The following SAMD4A variants were observed in gnomAD, a reference collection of about 807,000 sequenced individuals.
The protein encoded by SAMD4A is protein Smaug homolog 1.
SAMD4A carries 33 observed loss-of-function variants against 81.3 expected under a neutral mutation model. That is an observed-to-expected ratio of 0.41 (90% CI 0.31 to 0.54). SAMD4A has a LOEUF of 0.54. SAMD4A is among the 20% of genes least tolerant of loss of function. The probability of loss-of-function intolerance (pLI) is 0.37; values close to 1 mark genes in which losing one functional copy is unlikely to be tolerated. For missense variants in SAMD4A, 854 were observed against 951.1 expected (o/e 0.90, Z 1.34); for synonymous variants, 389 against 382.1 (o/e 1.02, Z -0.21).
intron 3 of SAMD4A, among the ~76,000 whole-genome samples, chr14:54,712,439 GCTTTAGCTTCCTTC>G (rs1336036270): frequency 6.6e-6 from 1 of 152,134 alleles, no homozygotes; most frequent in African/African-American, 2.4e-5. Context: ...TATATTTTTA[GCTTTAGCTTCCTTC>G]CCCTTTGGGG....
chr14:54,767,108 T>A (rs2038567549), intron 8 of SAMD4A, among the ~76,000 whole-genome samples: 1 of 152,040 alleles, frequency 6.6e-6, no homozygotes, highest in Non-Finnish European at 1.5e-5. Context: ...AGGGAAAATG[T>A]TGTTCAGGGC....
chr14:54,719,516 C>A (rs1209654809), intron 3 of SAMD4A, among the ~76,000 whole-genome samples: 1 of 152,186 alleles, frequency 6.6e-6, no homozygotes, highest in Admixed American at 6.5e-5. Flanking sequence ...CCCCTTATTT[C>A]TCAACATTCC....
In SAMD4A at chr14:54,789,055, TC is replaced by T; in HGVS notation, c.*116del. ...CTCCAAGATACTTTGCAGCCTTTTTTCCCCCTGGTCCCTCTCCCGTTTTGAT... is the reference window on the plus strand; with the variant it reads ...CTCCAAGATACTTTGCAGCCTTTTTTCCCCTGGTCCCTCTCCCGTTTTGAT... On this transcript the variant is annotated 3_prime_UTR_variant, in exon 13 of 13. Transcript: ENST00000554335. 5 of 1,184,306 alleles carry T rather than the reference TC, an allele frequency of 4.2e-6. No homozygotes were observed. Among genetic ancestry groups the T allele is most frequent in the Non-Finnish European group, 6.3e-6 (5 of 796,220 alleles). 73.4% of individuals were successfully genotyped at this position (1,184,306 alleles called of 1,614,324 possible).
intron 2 of SAMD4A, among the ~76,000 whole-genome samples, chr14:54,608,696 AG>A (rs2034280811): frequency 6.6e-6 from 1 of 152,232 alleles, no homozygotes; most frequent in Non-Finnish European, 1.5e-5. Context: ...AGCTGGAGAA[AG>A]GGAGTTACAT....
chr14:54,760,595 C>T (rs2038372401), intron 7 of SAMD4A, 101 bp downstream of exon 7: 4 of 1,346,260 alleles, frequency 3.0e-6, no homozygotes, highest in Non-Finnish European at 3.8e-6. Context: ...ATTCCCTGTC[C>T]AAGTAGACAT....
chr14:54,610,258 T>G (rs2034318769), intron 2 of SAMD4A, among the ~76,000 whole-genome samples: 1 of 152,142 alleles, frequency 6.6e-6, no homozygotes, highest in Non-Finnish European at 1.5e-5. Context: ...TGCGACCAAG[T>G]CAGCATTTTC....
At chr14:54,646,918 A>G (rs2035299022) in intron 2 of SAMD4A, among the ~76,000 whole-genome samples, 1 of 152,208 alleles carries the variant, frequency 6.6e-6, no homozygotes, top group Admixed American at 6.5e-5. Context: ...CCTGCCAAAC[A>G]AGGTTCCACT....
chr14:54,602,797 T>TTA (rs1555335174), intron 2 of SAMD4A, among the ~76,000 whole-genome samples: 2 of 149,290 alleles, frequency 1.3e-5, no homozygotes, highest in Non-Finnish European at 3.0e-5. Context: ...AAAGTATAAT[T>TTA]AAAAAAAAAA....
intron 2 of SAMD4A, among the ~76,000 whole-genome samples, chr14:54,621,780 C>G (rs985660171): frequency 6.6e-6 from 1 of 152,132 alleles, no homozygotes; most frequent in Non-Finnish European, 1.5e-5. Context: ...GACATTGATG[C>G]TTTCTTATGC....
At chr14:54,658,261 A>T (rs970792944) in intron 2 of SAMD4A, among the ~76,000 whole-genome samples, 1 of 152,204 alleles carries the variant, frequency 6.6e-6, no homozygotes, top group Non-Finnish European at 1.5e-5. Context: ...CATTGAGCCA[A>T]GATCGTGCCA....
chr14:54,743,764 A>C (rs1360037655), intron 4 of SAMD4A, among the ~76,000 whole-genome samples: 1 of 152,226 alleles, frequency 6.6e-6, no homozygotes, highest in East Asian at 1.9e-4. Context: ...GACACTTCCC[A>C]GTATCAAGGA....
At chr14:54,646,971 G>T (rs2140406889) in intron 2 of SAMD4A, among the ~76,000 whole-genome samples, 1 of 152,224 alleles carries the variant, frequency 6.6e-6, no homozygotes, top group Admixed American at 6.5e-5. Context: ...ACTCAATGCA[G>T]CTTTTATACA....
chr14:54,733,253 A>G (rs2037603761), intron 3 of SAMD4A, among the ~76,000 whole-genome samples: 1 of 152,206 alleles, frequency 6.6e-6, no homozygotes. Context: ...AATACTTATT[A>G]TTTACTTCGG....
chr14:54,664,677 T>C (rs1056970671), intron 2 of SAMD4A, among the ~76,000 whole-genome samples: 6 of 151,722 alleles, frequency 4.0e-5, no homozygotes, highest in African/African-American at 1.5e-4. Context: ...AATGCTCCTA[T>C]GATGTGACTC....
chr14:54,765,424 A>G (rs59040646), intron 8 of SAMD4A, among the ~76,000 whole-genome samples: 1,914 of 147,838 alleles, frequency 0.013, 44 homozygotes, highest in African/African-American at 0.046. Flanking sequence ...GGAGCTTGAG[A>G]CCTGCCTGGG....
At chr14:54,603,826 GTTTA>G (rs952528325) in intron 2 of SAMD4A, among the ~76,000 whole-genome samples, 6 of 149,926 alleles carry the variant, frequency 4.0e-5, no homozygotes, top group Admixed American at 2.7e-4. Context: ...TTGTTTATTT[GTTTA>G]TTTATTTATT....
chr14:54,655,447 A>G (rs946150975), intron 2 of SAMD4A, among the ~76,000 whole-genome samples: 16 of 152,180 alleles, frequency 1.1e-4, no homozygotes, highest in Non-Finnish European at 1.9e-4. Flanking sequence ...ATATAGATCC[A>G]GGAGCCGGGC....
chr14:54,776,370 A>G, intron 10 of SAMD4A, 44 bp from the exon 11 acceptor site: 1 of 1,566,530 alleles, frequency 6.4e-7, no homozygotes, highest in Admixed American at 2.0e-5. Context: ...TCTCCACCCC[A>G]GTGGGGCTGA....
chr14:54,603,091 G>C (rs1052601926), intron 2 of SAMD4A, among the ~76,000 whole-genome samples: 64 of 152,312 alleles, frequency 4.2e-4, no homozygotes, highest in African/African-American at 1.5e-3. Context: ...CCACCCCAGT[G>C]GTGGATGGGG....
Sources: allele counts gnomAD v4.1 joint callset (sites outside exome capture counted in the v4.1 genomes callset), GRCh38; gene constraint gnomAD v4.1.1; transcripts MANE v1.5; gene names NCBI Gene and HGNC (gene_info 2026-07-23, HGNC 2026-07-21).